Variants in DLGAP1 observed in about 807,000 individuals in gnomAD.
DLGAP1 encodes DLG associated protein 1, also known as disks large-associated protein 1.
DLGAP1 carries 11 observed loss-of-function variants against 90.8 expected under a neutral mutation model. The ratio of observed to expected loss-of-function variants is 0.12; its 90% CI spans 0.08 to 0.20. The LOEUF (loss-of-function observed/expected upper bound fraction) is 0.20, where lower values mean the gene tolerates loss of function less well. Among genes scored for constraint, DLGAP1 ranks in the 10% least tolerant of loss-of-function variants. DLGAP1 has a pLI of 1.00. For missense variants in DLGAP1, 1,050 were observed against 1,333.8 expected, an observed-to-expected ratio of 0.79 and a Z score of 3.31; for synonymous variants, 558 against 540.7, an observed-to-expected ratio of 1.03 and a Z score of -0.44.
At chr18:4,229,356 C>A (rs558942767) in intron 1 of DLGAP1, among the ~76,000 whole-genome samples, 2 of 151,736 alleles carry the variant, frequency 1.3e-5, no homozygotes, top group South Asian at 4.2e-4. Flanking sequence ...CAAAAAAGAC[C>A]CAGAATAGCC....
At chr18:4,301,531 A>G (rs534772704) in intron 1 of DLGAP1, among the ~76,000 whole-genome samples, 1 of 152,312 alleles carries the variant, frequency 6.6e-6, no homozygotes, top group East Asian at 1.9e-4. Context: ...CAATTTCATC[A>G]TCCATTCATC....
chr18:4,447,181 C>T (rs1314912519), intron 1 of DLGAP1, among the ~76,000 whole-genome samples: 1 of 152,172 alleles, frequency 6.6e-6, no homozygotes, highest in Non-Finnish European at 1.5e-5. Context: ...ATCAGAGTCC[C>T]CTTTGTTAGC....
At chr18:3,558,468 A>G (rs931076413) in intron 9 of DLGAP1, among the ~76,000 whole-genome samples, 1 of 152,052 alleles carries the variant, frequency 6.6e-6, no homozygotes, top group African/African-American at 2.4e-5. Context: ...CCTGACCTCA[A>G]GTGATCCGCC....
intron 5 of DLGAP1, among the ~76,000 whole-genome samples, chr18:3,813,482 A>G (rs2066942376): frequency 6.6e-6 from 1 of 152,206 alleles, no homozygotes; most frequent in African/African-American, 2.4e-5. Context: ...ATGATGTATG[A>G]CTATATTTAT....
intron 8 of DLGAP1, chr18:3,580,475 A>G (rs1308058271): frequency 3.1e-6 from 5 of 1,610,706 alleles, no homozygotes; most frequent in Non-Finnish European, 3.4e-6. Context: ...CCACCTCTTC[A>G]TTGTCCACAA....
intron 1 of DLGAP1, among the ~76,000 whole-genome samples, chr18:4,394,852 C>T (rs549066764): frequency 3.9e-5 from 6 of 152,224 alleles, no homozygotes; most frequent in South Asian, 2.1e-4. Flanking sequence ...TTTCAGTTCT[C>T]GTCTATTGAA....
chr18:3,675,782 G>A (rs1330130320), intron 7 of DLGAP1, among the ~76,000 whole-genome samples: 1 of 152,186 alleles, frequency 6.6e-6, no homozygotes, highest in East Asian at 1.9e-4. Flanking sequence ...TCTGAAGAGG[G>A]GCAGAGGGGA....
intron 5 of DLGAP1, among the ~76,000 whole-genome samples, chr18:3,761,943 C>A (rs1344918061): frequency 6.6e-6 from 1 of 152,152 alleles, no homozygotes; most frequent in Non-Finnish European, 1.5e-5. Flanking sequence ...AGAAGAACTT[C>A]GTCTTTTCTA....
chr18:4,242,274 T>G (rs2078553584), intron 1 of DLGAP1, among the ~76,000 whole-genome samples: 3 of 152,138 alleles, frequency 2.0e-5, no homozygotes, highest in Admixed American at 1.3e-4. Context: ...CTATCAAGAT[T>G]CATCTTGAAA....
chr18:3,677,592 G>T (rs1478166470), intron 7 of DLGAP1, among the ~76,000 whole-genome samples: 1 of 152,204 alleles, frequency 6.6e-6, no homozygotes, highest in Non-Finnish European at 1.5e-5. Flanking sequence ...TGTTTCTAGC[G>T]TGCCTATGAC....
At chr18:4,161,247 C>A (rs930202317) in intron 1 of DLGAP1, among the ~76,000 whole-genome samples, 1 of 152,088 alleles carries the variant, frequency 6.6e-6, no homozygotes, top group Non-Finnish European at 1.5e-5. Flanking sequence ...CACCTTTCCC[C>A]AGGACAGACA....
At position 3,551,713 on chromosome 18, in the gene DLGAP1, TCCC is replaced by T. The variant is rs1599192430; in HGVS notation, c.2057+15774_2057+15776del. Among the ~76,000 whole-genome samples, 92 of 32,662 alleles carry T rather than the reference TCCC, an allele frequency of 2.8e-3. 3 individuals carry two copies. The highest frequency in any genetic ancestry group is 0.013 in the African/African-American group (87 of 6,624). The allele number at this position is 32,662 out of a possible 152,430, so 21.4% of individuals were successfully genotyped here. A position where few individuals can be genotyped will look rare whatever the true frequency, so the allele number is the denominator to read the frequency against. On this transcript the variant is annotated intron_variant, in intron 9 of 12. Coordinates refer to ENST00000315677, the MANE Select transcript of DLGAP1 (RefSeq NM_004746.4). The stretch of plus-strand genomic sequence containing the variant: ...CTCCCTCCCTCCCTCCCTCCCTCCC[TCCC>T]TCCCTCCCTTCCTTCCTTCCTTCCT...
At chr18:4,340,501 T>C (rs1187934703) in intron 1 of DLGAP1, among the ~76,000 whole-genome samples, 2 of 152,176 alleles carry the variant, frequency 1.3e-5, no homozygotes. Context: ...TGTACACTCT[T>C]AGTAACAGCA....
intron 2 of DLGAP1, among the ~76,000 whole-genome samples, chr18:4,138,371 T>G (rs951016599): frequency 6.6e-6 from 1 of 152,052 alleles, no homozygotes; most frequent in Non-Finnish European, 1.5e-5. Flanking sequence ...TCAGTTGAAA[T>G]GATCATAAGG....
intron 5 of DLGAP1, among the ~76,000 whole-genome samples, chr18:3,809,034 C>A (rs1239630313): frequency 6.6e-6 from 1 of 152,150 alleles, no homozygotes; most frequent in African/African-American, 2.4e-5. Context: ...CAATTATACA[C>A]GTCAGTGCTG....
intron 3 of DLGAP1, among the ~76,000 whole-genome samples, chr18:3,921,055 C>T (rs946178765): frequency 1.3e-5 from 2 of 152,134 alleles, no homozygotes; most frequent in African/African-American, 2.4e-5. Context: ...ATTTTTCCAA[C>T]ATAGTAATGT....
At chr18:3,572,432 A>ATTTGTTTG (rs1160574111) in intron 8 of DLGAP1, among the ~76,000 whole-genome samples, 94 of 111,956 alleles carry the variant, frequency 8.4e-4, no homozygotes, top group Admixed American at 3.7e-3. Context: ...TCTTTTATTT[A>ATTTGTTTG]TTTATTTGTT....
intron 2 of DLGAP1, among the ~76,000 whole-genome samples, chr18:4,022,834 T>A (rs948741706): frequency 2.4e-5 from 3 of 124,782 alleles, no homozygotes; most frequent in African/African-American, 8.6e-5. Context: ...TTTCTATATA[T>A]CTTCACCAGC....
intron 7 of DLGAP1, chr18:3,608,323 CA>C (rs796648071): frequency 0.027 from 3,195 of 116,562 alleles, 93 homozygotes; most frequent in African/African-American, 0.088. Flanking sequence ...AACTCCATCT[CA>C]AAAAAAAAAA....
Sources: allele counts gnomAD v4.1 joint callset (sites outside exome capture counted in the v4.1 genomes callset), GRCh38; gene constraint gnomAD v4.1.1; transcripts MANE v1.5; gene names NCBI Gene and HGNC (gene_info 2026-07-23, HGNC 2026-07-21).